SGCZ: variants seen among roughly 807,000 people sequenced by gnomAD.
The protein encoded by SGCZ is zeta-sarcoglycan.
Under a neutral mutation model 41.3 loss-of-function variants are expected in SGCZ, and 40 were observed. The observed-to-expected ratio is 0.97, with a 90% CI of 0.75 to 1.26. SGCZ has a LOEUF of 1.26. Among genes scored for constraint, SGCZ ranks in the 50% most tolerant of loss-of-function variants. The pLI is 0.00. For synonymous variants in SGCZ, 206 were observed against 137.5 expected (o/e 1.50, Z -3.49); for missense variants, 552 against 369.8 (o/e 1.49, Z -4.04).
intron 1 of SGCZ, among the ~76,000 whole-genome samples, chr8:15,075,756 C>T (rs1012026992): frequency 6.6e-6 from 1 of 152,060 alleles, no homozygotes; most frequent in African/African-American, 2.4e-5. Context: ...GCCAAAGAGA[C>T]AAATCCTTCT....
intron 1 of SGCZ, among the ~76,000 whole-genome samples, chr8:15,170,710 T>G (rs1799802007): frequency 6.6e-6 from 1 of 152,220 alleles, no homozygotes; most frequent in South Asian, 2.1e-4. Flanking sequence ...GTCGATGTAT[T>G]TGAACTATGC....
chr8:14,196,269 T>TTA (rs1474213442), intron 4 of SGCZ, among the ~76,000 whole-genome samples: 1 of 151,850 alleles, frequency 6.6e-6, no homozygotes, highest in Non-Finnish European at 1.5e-5. Flanking sequence ...GAGTAATTTT[T>TTA]TTTTTTTTTT....
intron 1 of SGCZ, among the ~76,000 whole-genome samples, chr8:14,948,303 C>G (rs1356556886): frequency 6.6e-6 from 1 of 152,118 alleles, no homozygotes; most frequent in Non-Finnish European, 1.5e-5. Flanking sequence ...GGTATTCTCT[C>G]TCTCCTAATA....
At chr8:15,188,312 C>G (rs1400186759) in intron 1 of SGCZ, among the ~76,000 whole-genome samples, 2 of 152,070 alleles carry the variant, frequency 1.3e-5, no homozygotes, top group Admixed American at 6.5e-5. Flanking sequence ...GAATTAGCTC[C>G]TAGAACATCT....
At chr8:14,556,285 C>T (rs551387542) in intron 1 of SGCZ, among the ~76,000 whole-genome samples, 35 of 151,168 alleles carry the variant, frequency 2.3e-4, no homozygotes, top group Middle Eastern at 3.5e-3. Flanking sequence ...TATTAAATGA[C>T]GAATCTAACA....
chr8:14,234,990 G>A (rs11203586), intron 4 of SGCZ, among the ~76,000 whole-genome samples: 145,623 of 152,228 alleles, frequency 0.96, 69,743 homozygotes, highest in East Asian at 1. Flanking sequence ...TGTAACTTAA[G>A]TGATACCAAT....
At chr8:14,477,159 A>C (rs1454942772) in intron 2 of SGCZ, among the ~76,000 whole-genome samples, 1 of 152,160 alleles carries the variant, frequency 6.6e-6, no homozygotes, top group Non-Finnish European at 1.5e-5. Context: ...ACAGTAATAG[A>C]TTATAAACAT....
intron 1 of SGCZ, among the ~76,000 whole-genome samples, chr8:14,995,985 C>T (rs959678279): frequency 6.6e-6 from 1 of 151,952 alleles, no homozygotes; most frequent in Non-Finnish European, 1.5e-5. Context: ...CTCACTGCAA[C>T]CTCTATCTCC....
At chr8:14,456,952 C>G (rs1271544455) in intron 2 of SGCZ, among the ~76,000 whole-genome samples, 1 of 152,192 alleles carries the variant, frequency 6.6e-6, no homozygotes, top group Non-Finnish European at 1.5e-5. Context: ...ACTTTGCCTT[C>G]TGCCATGATT....
intron 1 of SGCZ, among the ~76,000 whole-genome samples, chr8:14,578,307 T>G (rs1022656913): frequency 1.3e-4 from 20 of 152,200 alleles, no homozygotes; most frequent in Non-Finnish European, 2.9e-4. Flanking sequence ...CTCCTCAGCC[T>G]TCCCTAGAAA....
intron 3 of SGCZ, among the ~76,000 whole-genome samples, chr8:14,283,597 T>C (rs1039822395): frequency 1.3e-5 from 2 of 152,220 alleles, no homozygotes; most frequent in East Asian, 3.8e-4. Context: ...TTGTGGGTTA[T>C]TACAAAAAAG....
intron 4 of SGCZ, among the ~76,000 whole-genome samples, chr8:14,196,159 T>A (rs912565767): frequency 3.9e-5 from 6 of 152,038 alleles, no homozygotes; most frequent in African/African-American, 1.2e-4. Flanking sequence ...AAGATGGACA[T>A]AGATAAGCTA....
intron 1 of SGCZ, among the ~76,000 whole-genome samples, chr8:14,706,098 A>G (rs942376993): frequency 6.6e-6 from 1 of 151,968 alleles, no homozygotes; most frequent in African/African-American, 2.4e-5. Flanking sequence ...TTCCTCCAAA[A>G]TCTAGAATTT....
intron 2 of SGCZ, among the ~76,000 whole-genome samples, chr8:14,445,902 C>T (rs1800418445): frequency 6.6e-6 from 1 of 152,118 alleles, no homozygotes; most frequent in African/African-American, 2.4e-5. Context: ...TAACTCATGC[C>T]TGATCTGGCC....
intron 1 of SGCZ, chr8:14,853,646 T>A: frequency 3.0e-6 from 1 of 327,928 alleles, no homozygotes; most frequent in Non-Finnish European, 6.6e-6. Flanking sequence ...CTAAATAGAT[T>A]GTCATCAATC....
At chr8:14,806,250 T>C (rs201941598) in intron 1 of SGCZ, among the ~76,000 whole-genome samples, 31,711 of 149,994 alleles carry the variant, frequency 0.21, 6,361 homozygotes, top group African/African-American at 0.53. Context: ...CTGAAGGAAA[T>C]AGAGACATAA....
chr8:14,980,925 A>G (rs1285630496), intron 1 of SGCZ, among the ~76,000 whole-genome samples: 2 of 152,132 alleles, frequency 1.3e-5, no homozygotes, highest in African/African-American at 4.8e-5. Flanking sequence ...TCGCTTCTCA[A>G]TTCTACCACC....
intron 1 of SGCZ, among the ~76,000 whole-genome samples, chr8:14,594,138 G>A (rs1315851469): frequency 6.6e-6 from 1 of 151,186 alleles, no homozygotes; most frequent in Non-Finnish European, 1.5e-5. Context: ...TTAGGCTATT[G>A]CACTCCAGCC....
intron 1 of SGCZ, among the ~76,000 whole-genome samples, chr8:14,763,428 C>T (rs1231340794): frequency 6.6e-6 from 1 of 152,182 alleles, no homozygotes; most frequent in African/African-American, 2.4e-5. Context: ...CTTCTTCAAA[C>T]TCCATCTCTG....
Sources: gnomAD v4.1 joint callset for allele counts (sites outside exome capture counted in the v4.1 genomes callset) on GRCh38, gnomAD v4.1.1 for gene constraint, MANE v1.5 for transcripts, NCBI Gene and HGNC (gene_info 2026-07-23, HGNC 2026-07-21) for gene names.